The following WASF1 variants were observed in gnomAD, a reference collection of about 807,000 sequenced individuals.
WASF1 encodes the protein actin-binding protein WASF1.
A neutral mutation model predicts 50.5 loss-of-function variants in WASF1; 7 were observed. The ratio of observed to expected loss-of-function variants is 0.14; its 90% CI spans 0.08 to 0.26. The LOEUF (loss-of-function observed/expected upper bound fraction) is 0.26, where lower values mean the gene tolerates loss of function less well. Ranked by LOEUF, WASF1 falls within the 10% of genes least tolerant of loss-of-function variation. The pLI is 1.00. For synonymous variants in WASF1, 205 were observed against 244.0 expected (o/e 0.84, Z 1.49); for missense variants, 470 against 694.7 (o/e 0.68, Z 3.64).
intron 1 of WASF1, among the ~76,000 whole-genome samples, chr6:110,179,193 C>G (rs988409730): frequency 6.6e-6 from 1 of 152,162 alleles, no homozygotes; most frequent in African/African-American, 2.4e-5. Flanking sequence ...GGGGCGGTCC[C>G]TGCAGCCAAG....
At chr6:110,134,678 G>A (rs781396162) in intron 3 of WASF1, among the ~76,000 whole-genome samples, 4 of 151,756 alleles carry the variant, frequency 2.6e-5, no homozygotes, top group African/African-American at 9.7e-5. Context: ...TGCCTGCCTC[G>A]GCCTCCCAAA....
chr6:110,105,550 T>C lies in WASF1; in HGVS notation c.570A>G (p.Pro190=). 1 of 1,613,866 alleles carries C rather than the reference T, an allele frequency of 6.2e-7. No individual in the cohort carries two copies. Among genetic ancestry groups the C allele is most frequent in the Non-Finnish European group, 8.5e-7 (1 of 1,179,878 alleles). ...CATGAGGTGCTCTTGGCACTTTTTCTGGTTCATGAGGACGATCTAGATTTT... is the reference window on the plus strand; with the variant it reads ...CATGAGGTGCTCTTGGCACTTTTTCCGGTTCATGAGGACGATCTAGATTTT... ...KQKNLDRPHE[P]EKVPRAPHDR... The change falls in exon 8 of 11, where the codon CCA becomes CCG. Residue 190 remains proline, a synonymous_variant. Transcript: ENST00000392589.
chr6:110,124,217 C>CT (rs1258259081), intron 4 of WASF1, among the ~76,000 whole-genome samples: 701 of 65,988 alleles, frequency 0.011, 51 homozygotes, highest in East Asian at 0.036. Context: ...CTCTCTCTCT[C>CT]CTCTCTCTCC....
intron 4 of WASF1, among the ~76,000 whole-genome samples, chr6:110,118,412 G>C (rs963825847): frequency 2.9e-5 from 2 of 68,244 alleles, no homozygotes; most frequent in African/African-American, 1.1e-4. Flanking sequence ...TGATAAAACA[G>C]ACTTTAAACC....
At chr6:110,126,269 AT>A (rs1009656711) in intron 4 of WASF1, among the ~76,000 whole-genome samples, 43 of 152,254 alleles carry the variant, frequency 2.8e-4, no homozygotes, top group African/African-American at 1.0e-3. Context: ...CACTTTTTTT[AT>A]TAGCCTCAAG....
chr6:110,145,302 T>C (rs548622116), intron 3 of WASF1, among the ~76,000 whole-genome samples: 54 of 152,362 alleles, frequency 3.5e-4, no homozygotes, highest in Admixed American at 7.2e-4. Context: ...TTTTTGCACA[T>C]TGATTTTGTA....
At chr6:110,101,090 C>T (rs1435974452) in intron 10 of WASF1, among the ~76,000 whole-genome samples, 1 of 152,070 alleles carries the variant, frequency 6.6e-6, no homozygotes, top group African/African-American at 2.4e-5. Flanking sequence ...ATGCTCAGTG[C>T]CTGGCCTATA....
At chr6:110,170,415 G>A (rs965591106) in intron 2 of WASF1, among the ~76,000 whole-genome samples, 47 of 152,202 alleles carry the variant, frequency 3.1e-4, no homozygotes, top group Admixed American at 9.2e-4. Context: ...GTAGAGACAA[G>A]GTTTCACTGT....
intron 3 of WASF1, among the ~76,000 whole-genome samples, chr6:110,146,055 C>T (rs955449198): frequency 6.6e-6 from 1 of 151,974 alleles, no homozygotes; most frequent in Non-Finnish European, 1.5e-5. Context: ...ATGGGTACAG[C>T]ACACCAACAT....
intron 5 of WASF1, among the ~76,000 whole-genome samples, chr6:110,112,645 T>C (rs559385308): frequency 6.6e-6 from 1 of 152,206 alleles, no homozygotes; most frequent in East Asian, 1.9e-4. Flanking sequence ...CTCATGCCTA[T>C]AATCCCAACA....
At chr6:110,144,688 C>G (rs1775454096) in intron 3 of WASF1, among the ~76,000 whole-genome samples, 1 of 152,142 alleles carries the variant, frequency 6.6e-6, no homozygotes, top group Non-Finnish European at 1.5e-5. Context: ...ATATGGCTAG[C>G]CAGTTTTCCC....
intron 5 of WASF1, among the ~76,000 whole-genome samples, chr6:110,108,951 A>C (rs1311118301): frequency 1.3e-5 from 2 of 152,094 alleles, no homozygotes; most frequent in Non-Finnish European, 2.9e-5. Context: ...ACATATCTAC[A>C]TTTCAACCAA....
At chr6:110,113,753 C>A (rs778168903) in intron 4 of WASF1, among the ~76,000 whole-genome samples, 7 of 151,928 alleles carry the variant, frequency 4.6e-5, no homozygotes, top group Non-Finnish European at 1.0e-4. Context: ...AAAAAACTTG[C>A]AGATGAACCA....
chr6:110,113,834 C>G (rs1436425818), intron 4 of WASF1, among the ~76,000 whole-genome samples: 1 of 151,716 alleles, frequency 6.6e-6, no homozygotes, highest in Non-Finnish European at 1.5e-5. Context: ...TATGTAAATA[C>G]TAGACTATTT....
rs1275339917 is a variant in WASF1 at position 110,100,820 on chromosome 6, A to G, written c.1523-141T>C. 4 of 1,057,620 alleles carry G rather than the reference A, an allele frequency of 3.8e-6. No individual in the cohort carries two copies. The East Asian group carries it at 1.2e-4, about 30-fold the overall frequency. 65.5% of individuals were successfully genotyped at this position (1,057,620 alleles called of 1,614,324 possible). Reference sequence around the variant, plus strand: ...GATCAGAAAAGAATGTGAAGAAATCATACTGAGAGAGGCATTAAATCTTTA... The same window carrying G: ...GATCAGAAAAGAATGTGAAGAAATCGTACTGAGAGAGGCATTAAATCTTTA... On this transcript the variant is annotated intron_variant, in intron 10 of 10. Transcript: ENST00000392589.
intron 5 of WASF1, among the ~76,000 whole-genome samples, chr6:110,110,993 T>C (rs1259531255): frequency 6.6e-6 from 1 of 152,192 alleles, no homozygotes; most frequent in Non-Finnish European, 1.5e-5. Flanking sequence ...TCTGACAGTA[T>C]AGCTGTTGAC....
At chr6:110,104,356 T>C (rs1773224383) in intron 8 of WASF1, among the ~76,000 whole-genome samples, 1 of 152,258 alleles carries the variant, frequency 6.6e-6, no homozygotes, top group Admixed American at 6.5e-5. Context: ...TTAATGTCAA[T>C]TCTTTCAGTA....
At chr6:110,175,174 C>T (rs1385389238) in intron 2 of WASF1, among the ~76,000 whole-genome samples, 1 of 152,082 alleles carries the variant, frequency 6.6e-6, no homozygotes, top group Non-Finnish European at 1.5e-5. Context: ...GACCTCATTC[C>T]AAAATTTTTT....
intron 2 of WASF1, among the ~76,000 whole-genome samples, chr6:110,171,556 G>C (rs1003425257): frequency 4.6e-5 from 7 of 151,510 alleles, no homozygotes; most frequent in Admixed American, 4.6e-4. Flanking sequence ...AAAGTAGAAG[G>C]ATCTATAAAA....
Sources: gnomAD v4.1 joint callset for allele counts (sites outside exome capture counted in the v4.1 genomes callset) on GRCh38, gnomAD v4.1.1 for gene constraint, MANE v1.5 for transcripts, NCBI Gene and HGNC (gene_info 2026-07-23, HGNC 2026-07-21) for gene names.